MARCHF11: variants seen among roughly 807,000 people sequenced by gnomAD.
MARCHF11 encodes the protein E3 ubiquitin-protein ligase MARCHF11.
In MARCHF11, 29 loss-of-function variants were observed where a neutral mutation model predicts 37.3. That is an observed-to-expected ratio of 0.78 (90% CI 0.58 to 1.06). The LOEUF (loss-of-function observed/expected upper bound fraction) is 1.06. Ranked by LOEUF, MARCHF11 falls within the 50% of genes least tolerant of loss-of-function variation. The pLI is 0.00. For synonymous variants in MARCHF11, 233 were observed against 228.0 expected, an observed-to-expected ratio of 1.02 and a Z score of -0.20; for missense variants, 482 against 533.4, an observed-to-expected ratio of 0.90 and a Z score of 0.95.
intron 2 of MARCHF11, among the ~76,000 whole-genome samples, chr5:16,114,135 T>C (rs1267210582): frequency 1.3e-5 from 2 of 152,276 alleles, no homozygotes; most frequent in African/African-American, 4.8e-5. Flanking sequence ...CATTTTTTTA[T>C]GGCTGAATAA....
intron 2 of MARCHF11, among the ~76,000 whole-genome samples, chr5:16,129,996 A>G (rs1335555412): frequency 6.6e-6 from 1 of 152,156 alleles, no homozygotes; most frequent in Non-Finnish European, 1.5e-5. Context: ...CATCTCTTCC[A>G]TTTTTAACAT....
chr5:16,070,609 G>A (rs1560965835), intron 3 of MARCHF11, among the ~76,000 whole-genome samples: 2 of 152,138 alleles, frequency 1.3e-5, no homozygotes, highest in African/African-American at 4.8e-5. Flanking sequence ...ACTTACTAGA[G>A]CTTAAAGTCA....
At chr5:16,113,211 T>C (rs1234503049) in intron 2 of MARCHF11, among the ~76,000 whole-genome samples, 1 of 152,242 alleles carries the variant, frequency 6.6e-6, no homozygotes. Context: ...CCATGATCTA[T>C]AGAAAGCTCT....
intron 2 of MARCHF11, among the ~76,000 whole-genome samples, chr5:16,161,637 GCAT>G (rs1428791409): frequency 6.6e-6 from 1 of 151,876 alleles, no homozygotes; most frequent in East Asian, 1.9e-4. Flanking sequence ...TGGCTTCCCA[GCAT>G]CTTACCACAC....
At chr5:16,140,124 A>G (rs1015855845) in intron 2 of MARCHF11, among the ~76,000 whole-genome samples, 2 of 152,190 alleles carry the variant, frequency 1.3e-5, no homozygotes, top group African/African-American at 4.8e-5. Flanking sequence ...TGAAAATAGA[A>G]TGTCCTCTAT....
At chr5:16,175,191 G>C (rs1447471327) in intron 2 of MARCHF11, among the ~76,000 whole-genome samples, 2 of 152,192 alleles carry the variant, frequency 1.3e-5, no homozygotes, top group Non-Finnish European at 2.9e-5. Context: ...GTTGCATGCA[G>C]AGAAAGACAT....
At chr5:16,077,982 T>C (rs1736547328) in intron 3 of MARCHF11, among the ~76,000 whole-genome samples, 1 of 152,250 alleles carries the variant, frequency 6.6e-6, no homozygotes. Context: ...TCATCTATTA[T>C]TTAAAAAGGT....
At chr5:16,097,477 G>T (rs995535831) in intron 2 of MARCHF11, among the ~76,000 whole-genome samples, 1 of 152,044 alleles carries the variant, frequency 6.6e-6, no homozygotes, top group Non-Finnish European at 1.5e-5. Flanking sequence ...CCATTTCTCT[G>T]GAAAAACTGT....
At chr5:16,123,091 C>G (rs928420535) in intron 2 of MARCHF11, among the ~76,000 whole-genome samples, 2 of 152,166 alleles carry the variant, frequency 1.3e-5, no homozygotes, top group African/African-American at 4.8e-5. Flanking sequence ...TTCCCTCTTC[C>G]GAACCCTTTG....
At chr5:16,166,371 A>T (rs185054623) in intron 2 of MARCHF11, among the ~76,000 whole-genome samples, 36 of 152,204 alleles carry the variant, frequency 2.4e-4, no homozygotes, top group African/African-American at 8.4e-4. Context: ...ATATATATGT[A>T]AACTAATCAA....
intron 2 of MARCHF11, among the ~76,000 whole-genome samples, chr5:16,161,782 T>C (rs974148165): frequency 1.3e-5 from 2 of 152,000 alleles, no homozygotes; most frequent in Middle Eastern, 3.2e-3. Flanking sequence ...GGCCAAGTCA[T>C]GTACAAGCCA....
intron 2 of MARCHF11, among the ~76,000 whole-genome samples, chr5:16,137,036 A>G (rs1347849438): frequency 6.6e-6 from 1 of 152,198 alleles, no homozygotes; most frequent in Non-Finnish European, 1.5e-5. Flanking sequence ...TAAAAATTAA[A>G]TAATAAAACA....
At chr5:16,151,694 T>C (rs1461655423) in intron 2 of MARCHF11, among the ~76,000 whole-genome samples, 1 of 148,406 alleles carries the variant, frequency 6.7e-6, no homozygotes, top group Non-Finnish European at 1.5e-5. Flanking sequence ...TGTGTGTGTC[T>C]GGAACTATTG....
chr5:16,108,429 T>A (rs181645154), intron 2 of MARCHF11, among the ~76,000 whole-genome samples: 2 of 152,310 alleles, frequency 1.3e-5, no homozygotes, highest in African/African-American at 2.4e-5. Flanking sequence ...AGAAATAAGC[T>A]TATATCTGGA....
intron 2 of MARCHF11, among the ~76,000 whole-genome samples, chr5:16,099,811 T>C (rs540466945): frequency 2.0e-5 from 3 of 152,316 alleles, no homozygotes; most frequent in South Asian, 4.2e-4. Flanking sequence ...TGAGGGATGG[T>C]GTCTTGACAA....
Position 16,138,483 on chromosome 5 carries a change from G to C in MARCHF11, c.693+39243C>G, listed in dbSNP as rs1229341444. Among the ~76,000 whole-genome samples, 3 of 152,182 alleles carry C rather than the reference G, an allele frequency of 2.0e-5. No individual in the cohort carries two copies. In the East Asian group the frequency reaches 5.8e-4, roughly 29 times the overall value. ...TTTATTGCAGGGGTGGAGCCCTCAT[G>C]GAGAACCTCTGCTAGGGCAATGCAG... On this transcript the variant is annotated intron_variant, in intron 2 of 3. Transcript: ENST00000332432.
intron 2 of MARCHF11, among the ~76,000 whole-genome samples, chr5:16,094,290 A>C (rs1329733955): frequency 6.6e-6 from 1 of 152,154 alleles, no homozygotes; most frequent in Non-Finnish European, 1.5e-5. Flanking sequence ...GCATTATCTA[A>C]TGGGTTCAGC....
In MARCHF11 at chr5:16,179,490, G is replaced by GGCGGGGGAGGTT. The variant is rs1295535692; in HGVS notation, c.74_85dup (p.Gln25_Pro28dup). 3.6e-5 allele frequency: 41 copies of GGCGGGGGAGGTT among 1,153,086 alleles called. No individual in the cohort carries two copies. Among genetic ancestry groups the GGCGGGGGAGGTT allele is most frequent in the Middle Eastern group, 3.6e-4 (1 of 2,806 alleles). 71.4% of individuals were successfully genotyped at this position (1,153,086 alleles called of 1,614,324 possible). ...TCCCGGCGGCGGCGTCGGCGGCGGC[G>GGCGGGGGAGGTT]GCGGGGGAGGTTGCGGGGGAGGCTC... On this transcript the variant is annotated inframe_insertion, in exon 1 of 4. Coordinates refer to ENST00000332432, the MANE Select transcript of MARCHF11 (RefSeq NM_001102562.3).
intron 3 of MARCHF11, among the ~76,000 whole-genome samples, chr5:16,068,953 C>T (rs1289740503): frequency 1.3e-5 from 2 of 152,190 alleles, no homozygotes; most frequent in Non-Finnish European, 2.9e-5. Context: ...ATGAGCAGAT[C>T]CCACCTTTTA....
Sources: allele counts gnomAD v4.1 joint callset (sites outside exome capture counted in the v4.1 genomes callset), GRCh38; gene constraint gnomAD v4.1.1; transcripts MANE v1.5; gene names NCBI Gene and HGNC (gene_info 2026-07-23, HGNC 2026-07-21).